The following CENPU variants were observed in gnomAD, a reference collection of about 807,000 sequenced individuals.
CENPU encodes the protein centromere protein U.
A neutral mutation model predicts 56.7 loss-of-function variants in CENPU; 46 were observed. The ratio of observed to expected loss-of-function variants is 0.81; its 90% CI spans 0.64 to 1.04. The LOEUF is 1.04. CENPU is among the 50% of genes least tolerant of loss of function. CENPU has a pLI of 0.00. For synonymous variants in CENPU, 166 were observed against 163.0 expected, an observed-to-expected ratio of 1.02 and a Z score of -0.14; for missense variants, 510 against 490.1, an observed-to-expected ratio of 1.04 and a Z score of -0.38.
At chr4:184,733,309 G>C (rs1437131511) in intron 1 of CENPU, 1 of 986,194 alleles carries the variant, frequency 1.0e-6, no homozygotes, top group Non-Finnish European at 1.2e-6. Flanking sequence ...TCCTCCTCCA[G>C]GCAGCCTTCC....
chr4:184,729,536 A>T (rs976999436), intron 2 of CENPU, among the ~76,000 whole-genome samples: 6 of 152,234 alleles, frequency 3.9e-5, no homozygotes, highest in Non-Finnish European at 7.3e-5. Flanking sequence ...ACATATTATG[A>T]CATAGTCTTT....
intron 8 of CENPU, among the ~76,000 whole-genome samples, chr4:184,708,533 C>T (rs928347808): frequency 8.9e-4 from 131 of 146,804 alleles, no homozygotes; most frequent in African/African-American, 3.0e-3. Context: ...TTAAGAATAT[C>T]AAAGAAAAAA....
Position 184,699,548 on chromosome 4 carries a change from TTA to T in CENPU, c.986+1270_986+1271del, listed in dbSNP as rs1314227218. 9 of 1,288,410 alleles carry T rather than the reference TTA, an allele frequency of 7.0e-6. No homozygotes were observed. In the East Asian group the frequency reaches 5.0e-4, roughly 71 times the overall value. The allele number at this position is 1,288,410 out of a possible 1,614,324, so 79.8% of individuals were successfully genotyped here. ...CCTATTATATTTACCTTTAGTTTTC[TTA>T]TTTTGGCCTGGGTCAGTGAAAACCT... On this transcript the variant is annotated intron_variant, in intron 11 of 12. Transcript: ENST00000281453.
intron 3 of CENPU, among the ~76,000 whole-genome samples, chr4:184,725,409 G>A (rs531565829): frequency 2.0e-4 from 30 of 152,324 alleles, no homozygotes; most frequent in Non-Finnish European, 3.1e-4. Flanking sequence ...GGGCTCAAGC[G>A]ATCTTCCTGC....
chr4:184,700,525 A>G (rs2150201877), intron 11 of CENPU, among the ~76,000 whole-genome samples: 1 of 152,310 alleles, frequency 6.6e-6, no homozygotes, highest in East Asian at 1.9e-4. Context: ...CAAGCAGTTC[A>G]AGCAGTTTAA....
chr4:184,700,275 A>G (rs915832045), intron 11 of CENPU, among the ~76,000 whole-genome samples: 3 of 150,360 alleles, frequency 2.0e-5, no homozygotes, highest in African/African-American at 7.4e-5. Flanking sequence ...ATGTCACTCC[A>G]AGGCATACCC....
At chr4:184,717,246 C>G in intron 4 of CENPU, 50 bp from the exon 5 acceptor site, 1 of 1,329,836 alleles carries the variant, frequency 7.5e-7, no homozygotes, top group East Asian at 2.3e-5. Context: ...CATTTATATT[C>G]ACATGTCTTC....
At chr4:184,716,143 C>T (rs1761086716) in intron 6 of CENPU, among the ~76,000 whole-genome samples, 1 of 152,066 alleles carries the variant, frequency 6.6e-6, no homozygotes, top group Admixed American at 6.5e-5. Context: ...CCATATTGCC[C>T]AGGCTGGTCT....
At chr4:184,723,048 G>A (rs1034019533) in intron 4 of CENPU, among the ~76,000 whole-genome samples, 11 of 152,172 alleles carry the variant, frequency 7.2e-5, no homozygotes, top group African/African-American at 2.4e-4. Context: ...ACAGGCACAA[G>A]TGTGAAATGG....
intron 10 of CENPU, 38 bp from the exon 11 acceptor site, chr4:184,700,919 A>T: frequency 6.4e-7 from 1 of 1,553,130 alleles, no homozygotes; most frequent in Non-Finnish European, 8.9e-7. Context: ...ATTAATTTGT[A>T]ACTGTTTGAG....
At chr4:184,719,349 G>A (rs1433818575) in intron 4 of CENPU, among the ~76,000 whole-genome samples, 1 of 152,210 alleles carries the variant, frequency 6.6e-6, no homozygotes, top group African/African-American at 2.4e-5. Flanking sequence ...TGGGAGGAGA[G>A]CACAGTGATT....
At chr4:184,712,405 C>T (rs1760955662) in intron 7 of CENPU, among the ~76,000 whole-genome samples, 1 of 152,194 alleles carries the variant, frequency 6.6e-6, no homozygotes, top group South Asian at 2.1e-4. Context: ...CCTGAAGCCA[C>T]TGCCTCTGGA....
chr4:184,731,477 T>C (rs1363580652), intron 1 of CENPU, among the ~76,000 whole-genome samples: 1 of 152,202 alleles, frequency 6.6e-6, no homozygotes. Context: ...CTCTCTCAGT[T>C]GGACCACAGC....
Position 184,694,426 on chromosome 4 carries a change from A to C in CENPU, c.*862T>G. ...ATATTCACTTTAGTATCTGTCACTTAATACCTTACTTCAACATAGAGTATA... is the reference window on the plus strand; with the variant it reads ...ATATTCACTTTAGTATCTGTCACTTCATACCTTACTTCAACATAGAGTATA... On this transcript the variant is annotated 3_prime_UTR_variant, in exon 13 of 13. Transcript: ENST00000281453. 6.8e-7 allele frequency: 1 copy of C among 1,475,908 alleles called. No homozygotes were observed. The highest frequency in any genetic ancestry group is 9.0e-7 in the Non-Finnish European group (1 of 1,112,170). The allele number at this position is 1,475,908 out of a possible 1,614,324, so 91.4% of individuals were successfully genotyped here. A position where few individuals can be genotyped will look rare whatever the true frequency, so the allele number is the denominator to read the frequency against.
intron 6 of CENPU, among the ~76,000 whole-genome samples, chr4:184,715,939 T>G (rs1204251787): frequency 2.9e-4 from 31 of 107,740 alleles, no homozygotes; most frequent in Non-Finnish European, 5.4e-4. Flanking sequence ...TTTTTTTTGT[T>G]TTTTTTTTTT....
chr4:184,713,043 A>C (rs770587438), intron 6 of CENPU, 30 bp from the exon 7 acceptor site: 7 of 1,420,992 alleles, frequency 4.9e-6, no homozygotes, highest in Non-Finnish European at 5.8e-6. Flanking sequence ...TAAGTTTTTA[A>C]GAAAAGTTTT....
chr4:184,695,715 TGGTTTGGGCA>T (rs1760267525), intron 12 of CENPU, among the ~76,000 whole-genome samples: 1 of 152,180 alleles, frequency 6.6e-6, no homozygotes, highest in African/African-American at 2.4e-5. Flanking sequence ...TGTCAAGGCT[TGGTTTGGGCA>T]GGTCTGCTCG....
chr4:184,726,914 C>A (rs996632536), intron 3 of CENPU, among the ~76,000 whole-genome samples: 2 of 143,620 alleles, frequency 1.4e-5, no homozygotes, highest in East Asian at 4.1e-4. Context: ...TATGGCAAAG[C>A]CCCATCGCTA....
chr4:184,719,777 C>G (rs900857399), intron 4 of CENPU, among the ~76,000 whole-genome samples: 6 of 152,146 alleles, frequency 3.9e-5, no homozygotes, highest in African/African-American at 1.4e-4. Context: ...GTGGAGAGGA[C>G]TTTGTTTTCC....
Sources: allele counts gnomAD v4.1 joint callset (sites outside exome capture counted in the v4.1 genomes callset), GRCh38; gene constraint gnomAD v4.1.1; transcripts MANE v1.5; gene names NCBI Gene and HGNC (gene_info 2026-07-23, HGNC 2026-07-21).